DMXL1: variants seen among roughly 807,000 people sequenced by gnomAD.
The protein encoded by DMXL1 is dmX-like protein 1.
DMXL1 carries 99 observed loss-of-function variants against 319.2 expected under a neutral mutation model. That is an observed-to-expected ratio of 0.31 (90% CI 0.26 to 0.37). The LOEUF (loss-of-function observed/expected upper bound fraction) is 0.37. Ranked by LOEUF, DMXL1 falls within the 10% of genes least tolerant of loss-of-function variation. The probability of loss-of-function intolerance (pLI) is 1.00; values close to 1 mark genes in which losing one functional copy is unlikely to be tolerated. For synonymous variants in DMXL1, 1,385 were observed against 1,235.2 expected (o/e 1.12, Z -2.54); for missense variants, 3,745 against 3,595.6 (o/e 1.04, Z -1.06).
At chr5:119,210,607 A>C (rs1253270795) in intron 34 of DMXL1, among the ~76,000 whole-genome samples, 1 of 152,114 alleles carries the variant, frequency 6.6e-6, no homozygotes, top group African/African-American at 2.4e-5. Flanking sequence ...GAGTAGGTCT[A>C]ATTCTGGAGT....
intron 7 of DMXL1, among the ~76,000 whole-genome samples, chr5:119,117,157 T>C (rs1223596533): frequency 6.6e-6 from 1 of 152,174 alleles, no homozygotes; most frequent in Non-Finnish European, 1.5e-5. Context: ...GCGTCTCAAA[T>C]AGCGGGGACT....
chr5:119,120,214 A>G (rs187500607), intron 8 of DMXL1, among the ~76,000 whole-genome samples: 7 of 152,336 alleles, frequency 4.6e-5, no homozygotes, highest in South Asian at 2.1e-4. Flanking sequence ...AACAGAAGTG[A>G]TTTTGAAACA....
Position 119,170,216 on chromosome 5 carries a change from A to G in DMXL1, c.5425A>G (p.Thr1809Ala), listed in dbSNP as rs1261641632. The stretch of plus-strand genomic sequence containing the variant: ...TCAAGTTTTATCAGCCAGTAATCCT[A>G]CAGTTTTTAATTTCTACAATTATCT... ...DDQVLSASNP[T>A]VFNFYNYLRT... The change falls in exon 24 of 44, where the codon ACA becomes GCA. Residue 1809 changes from threonine to alanine, a missense_variant. Thr to Ala is a moderately conservative substitution (Grantham distance 58). Around this residue, in one of 4 missense-constraint regions of DMXL1, gnomAD observed 1,382 missense variants for 1,269.5 expected, o/e 1.09. Coordinates refer to ENST00000539542, the MANE Select transcript of DMXL1 (RefSeq NM_001290321.3). The G allele has an allele frequency of 7.5e-6, 12 of 1,603,480 alleles. No individual in the cohort carries two copies. The highest frequency in any genetic ancestry group is 7.6e-6 in the Non-Finnish European group (9 of 1,177,100).
chr5:119,127,913 C>T (rs1763961098), intron 9 of DMXL1: 1 of 360,064 alleles, frequency 2.8e-6, no homozygotes, highest in East Asian at 8.0e-5. Context: ...CTTTTTCAAG[C>T]AAAAGCTTCA....
chr5:119,114,620 T>A (rs1760414307), intron 6 of DMXL1, 79 bp downstream of exon 6: 2 of 937,094 alleles, frequency 2.1e-6, no homozygotes, highest in Admixed American at 5.4e-5. Flanking sequence ...CTGGCTTCAT[T>A]CTTTTATTTA....
intron 32 of DMXL1, among the ~76,000 whole-genome samples, chr5:119,201,557 T>C (rs542665222): frequency 6.6e-6 from 1 of 152,244 alleles, no homozygotes; most frequent in Non-Finnish European, 1.5e-5. Flanking sequence ...CTGCCAGGTT[T>C]TGGTATCAGG....
chr5:119,097,639 C>T (rs141448574), intron 1 of DMXL1, among the ~76,000 whole-genome samples: 1 of 152,118 alleles, frequency 6.6e-6, no homozygotes, highest in Non-Finnish European at 1.5e-5. Context: ...ATGGCGTGAA[C>T]CTGGGAGGCG....
rs1261932217 is a variant in DMXL1, at chr5:119,110,221, A to G, written c.435A>G (p.Glu145=). 1 of 1,588,580 alleles carries G rather than the reference A, an allele frequency of 6.3e-7. No individual in the cohort carries two copies. The highest frequency in any genetic ancestry group is 1.9e-5 in the Admixed American group (1 of 51,828). ...WSNTNLEKPT[E]DENLNKTDLN... is the part of the protein sequence containing the mutation. ...ATACTAACTTGGAGAAGCCAACTGA[A>G]GATGAAAATTTAAATAAAACAGATC... is the stretch of plus-strand genomic sequence containing the variant. The change falls in exon 5 of 44, where the codon GAA becomes GAG. Residue 145 remains glutamate, a synonymous_variant. Transcript: ENST00000539542.
At chr5:119,101,526 A>G (rs1757278538) in intron 2 of DMXL1, among the ~76,000 whole-genome samples, 1 of 152,222 alleles carries the variant, frequency 6.6e-6, no homozygotes, top group Non-Finnish European at 1.5e-5. Flanking sequence ...GAATAGACCT[A>G]AGTTATATTT....
In DMXL1 at chr5:119,206,870, A is replaced by G. The variant is rs1581325534; in HGVS notation, c.7900A>G (p.Met2634Val). ...CAACAGTGAAACCATCAAAAATTCTATGATGGAGGAGCCAAACATCAATAA... is the reference window on the plus strand; with the variant it reads ...CAACAGTGAAACCATCAAAAATTCTGTGATGGAGGAGCCAAACATCAATAA... The part of the protein sequence containing the change: ...EDNSETIKNS[M>V]MEEPNINKIE... Residue 2634 changes from methionine to valine, a missense_variant, in exon 34 of 44, where the codon ATG (methionine) becomes GTG (valine). Met to Val is a conservative substitution (Grantham distance 21, BLOSUM62 1). This residue lies in a region of DMXL1 where 1,382 missense variants were observed against 1,269.5 expected (regional missense o/e 1.09). Transcript: ENST00000539542. 2 of 1,528,996 alleles carry G rather than the reference A, an allele frequency of 1.3e-6. No homozygotes were observed. The highest frequency in any genetic ancestry group is 2.5e-5 in the East Asian group (1 of 40,590). 94.7% of individuals were successfully genotyped at this position (1,528,996 alleles called of 1,614,324 possible).
intron 19 of DMXL1, among the ~76,000 whole-genome samples, chr5:119,159,234 G>A (rs1359617913): frequency 2.0e-5 from 3 of 152,040 alleles, no homozygotes; most frequent in Non-Finnish European, 4.4e-5. Context: ...CGGGTTTCAG[G>A]TGATTCTCCT....
At chr5:119,224,680 C>A (rs766769817) in intron 37 of DMXL1, 29 bp from the exon 38 acceptor site, 8 of 818,418 alleles carry the variant, frequency 9.8e-6, no homozygotes, top group Middle Eastern at 2.7e-4. Context: ...TTTTATTATG[C>A]CTATAAAATA....
intron 27 of DMXL1, 139 bp from the exon 28 acceptor site, chr5:119,177,857 A>C (rs1320577677): frequency 2.9e-6 from 2 of 691,562 alleles, no homozygotes. Context: ...AACCGCTACT[A>C]GTCTGTGAAT....
intron 5 of DMXL1, among the ~76,000 whole-genome samples, chr5:119,111,438 T>C (rs1373117427): frequency 6.6e-6 from 1 of 152,202 alleles, no homozygotes; most frequent in Non-Finnish European, 1.5e-5. Flanking sequence ...ATAAAAAATA[T>C]TAATTTTGCC....
intron 39 of DMXL1, chr5:119,236,258 G>A: frequency 6.6e-6 from 1 of 151,960 alleles, no homozygotes; most frequent in African/African-American, 2.4e-5. Context: ...TAAGAAAAAT[G>A]GCTGTATCAA....
At chr5:119,122,248 C>A (rs1340263088) in intron 9 of DMXL1, among the ~76,000 whole-genome samples, 1 of 145,340 alleles carries the variant, frequency 6.9e-6, no homozygotes, top group Non-Finnish European at 1.5e-5. Flanking sequence ...GACGGGGCGG[C>A]TGGCTGGGCG....
At chr5:119,132,690 A>G (rs1765194742) in intron 10 of DMXL1, 1 of 442,186 alleles carries the variant, frequency 2.3e-6, no homozygotes, top group Admixed American at 3.0e-5. Flanking sequence ...AAAAAAAAAA[A>G]TGGAGCAAGT....
intron 19 of DMXL1, among the ~76,000 whole-genome samples, chr5:119,155,930 T>G (rs575134681): frequency 8.6e-4 from 131 of 151,920 alleles, no homozygotes; most frequent in South Asian, 2.1e-3. Flanking sequence ...CTGGTGAAGA[T>G]GCAGTGAACA....
intron 19 of DMXL1, chr5:119,154,691 C>A: frequency 6.5e-6 from 1 of 154,356 alleles, no homozygotes; most frequent in African/African-American, 2.4e-5. Context: ...GCACTTGCTT[C>A]AGCATGTTTT....
Sources: allele counts gnomAD v4.1 joint callset (sites outside exome capture counted in the v4.1 genomes callset), GRCh38; gene constraint gnomAD v4.1.1; regional missense constraint gnomAD v4.1.1; transcripts MANE v1.5; gene names NCBI Gene and HGNC (gene_info 2026-07-23, HGNC 2026-07-21).